The following ESRRG variants were observed in gnomAD, a reference collection of about 807,000 sequenced individuals.
ESRRG encodes the protein estrogen-related receptor gamma.
A neutral mutation model predicts 44.0 loss-of-function variants in ESRRG; 13 were observed. The observed-to-expected ratio is 0.30, with a 90% CI of 0.19 to 0.47. The LOEUF (loss-of-function observed/expected upper bound fraction) is 0.47. ESRRG is among the 20% of genes least tolerant of loss of function. ESRRG has a pLI of 1.00. For synonymous variants in ESRRG, 215 were observed against 214.6 expected (o/e 1.00, Z -0.02); for missense variants, 395 against 580.6 (o/e 0.68, Z 3.29).
At chr1:217,111,126 A>G (rs529968962) in intron 1 of ESRRG, among the ~76,000 whole-genome samples, 1 of 152,312 alleles carries the variant, frequency 6.6e-6, no homozygotes, top group Admixed American at 6.5e-5. Context: ...AAGAAATAGA[A>G]TACAGGTCAG....
chr1:217,136,188 G>A (rs1045116487), intron 1 of ESRRG, among the ~76,000 whole-genome samples: 1 of 152,184 alleles, frequency 6.6e-6, no homozygotes, highest in African/African-American at 2.4e-5. Flanking sequence ...GACAGGGGGC[G>A]GAGGGCGATC....
chr1:217,087,860 C>T (rs1217340547), intron 1 of ESRRG, among the ~76,000 whole-genome samples: 1 of 152,128 alleles, frequency 6.6e-6, no homozygotes, highest in Non-Finnish European at 1.5e-5. Context: ...GATTCTTTTT[C>T]TATTTGAAGG....
intron 3 of ESRRG, 43 bp from the exon 4 acceptor site, chr1:216,568,141 T>A: frequency 1.5e-6 from 2 of 1,364,548 alleles, no homozygotes; most frequent in Non-Finnish European, 2.1e-6. Context: ...AAGGTAGCTA[T>A]GTTTGAGACC....
intron 1 of ESRRG, among the ~76,000 whole-genome samples, chr1:216,956,677 C>G (rs1377190845): frequency 6.6e-6 from 1 of 152,138 alleles, no homozygotes; most frequent in East Asian, 1.9e-4. Context: ...TGGTGATGCA[C>G]TAGGTATAAT....
rs59403765 is a variant in ESRRG at position 216,630,445 on chromosome 1, AACACAC to A, written c.589+20522_589+20527del. On this transcript the variant is annotated intron_variant, in intron 3 of 6. Coordinates refer to ENST00000408911, the MANE Select transcript of ESRRG (RefSeq NM_001438.4). The stretch of plus-strand genomic sequence containing the variant: ...ACATGTGCATGCACATGTGCGTGTG[AACACAC>A]ACACACACACACACACACACACACA... Among the ~76,000 whole-genome samples the A allele has an allele frequency of 1.3e-3, 192 of 146,470 alleles. 1 individual carries two copies. Among genetic ancestry groups the A allele is most frequent in the African/African-American group, 4.1e-3 (159 of 39,024 alleles).
chr1:216,807,561 T>C (rs2094836000), intron 2 of ESRRG, among the ~76,000 whole-genome samples: 1 of 152,112 alleles, frequency 6.6e-6, no homozygotes, highest in African/African-American at 2.4e-5. Context: ...TTTTGGAATA[T>C]GGGTTTCTCA....
At chr1:216,549,827 T>G (rs1408766225) in intron 5 of ESRRG, among the ~76,000 whole-genome samples, 2 of 152,170 alleles carry the variant, frequency 1.3e-5, no homozygotes, top group Non-Finnish European at 2.9e-5. Flanking sequence ...ATAAATCACC[T>G]GAAGAGTTCT....
At position 216,868,079 on chromosome 1, in the gene ESRRG, C is replaced by CTTTTT. The variant is rs58738849; in HGVS notation, c.-14+71498_-14+71502dup. On this transcript the variant is annotated intron_variant, in intron 2 of 7. Coordinates refer to the ESRRG transcript ENST00000359162. The stretch of plus-strand genomic sequence containing the variant: ...GTCCAAATTGTTGTGTATATTGATC[C>CTTTTT]TTTTTTTTTTTTTTTTTTTTTTTTT... 1.2e-3 allele frequency among the ~76,000 whole-genome samples: 93 copies of CTTTTT among 78,358 alleles called. 2 individuals carry two copies. Among genetic ancestry groups the CTTTTT allele is most frequent in the Non-Finnish European group, 1.4e-3 (63 of 45,254 alleles). The allele number at this position is 78,358 out of a possible 152,430, so 51.4% of individuals were successfully genotyped here.
chr1:216,777,744 CT>C (rs2093667790), intron 2 of ESRRG, among the ~76,000 whole-genome samples: 1 of 152,118 alleles, frequency 6.6e-6, no homozygotes, highest in Non-Finnish European at 1.5e-5. Flanking sequence ...CTTTCTCTCT[CT>C]TTCTTATACA....
At chr1:217,004,517 C>G (rs1259229683) in intron 1 of ESRRG, among the ~76,000 whole-genome samples, 2 of 152,082 alleles carry the variant, frequency 1.3e-5, no homozygotes, top group African/African-American at 4.8e-5. Flanking sequence ...ACTGTCAGTC[C>G]ATTAAATCTC....
chr1:216,605,409 A>C (rs2059798629), intron 3 of ESRRG, among the ~76,000 whole-genome samples: 1 of 152,176 alleles, frequency 6.6e-6, no homozygotes, highest in Admixed American at 6.6e-5. Flanking sequence ...AACAGGTAAC[A>C]TTATGATCTT....
intron 1 of ESRRG, among the ~76,000 whole-genome samples, chr1:217,056,227 T>C (rs1471937770): frequency 6.6e-6 from 1 of 152,156 alleles, no homozygotes; most frequent in South Asian, 2.1e-4. Flanking sequence ...TGTTAGACTG[T>C]GGCGTAAGTG....
At chr1:216,832,314 C>G (rs1218757339) in intron 2 of ESRRG, among the ~76,000 whole-genome samples, 2 of 152,150 alleles carry the variant, frequency 1.3e-5, no homozygotes, top group East Asian at 1.9e-4. Context: ...ATTCCTTGCT[C>G]AACATTGACT....
upstream of ESRRG, among the ~76,000 whole-genome samples, chr1:216,724,047 G>T (rs2086970831): frequency 6.6e-6 from 1 of 152,030 alleles, no homozygotes; most frequent in Non-Finnish European, 1.5e-5. Flanking sequence ...AATAATAAAG[G>T]CATTCTTCTA....
intron 2 of ESRRG, among the ~76,000 whole-genome samples, chr1:216,804,454 T>G (rs2148358154): frequency 6.6e-6 from 1 of 152,268 alleles, no homozygotes; most frequent in South Asian, 2.1e-4. Context: ...GTTAAGGGGC[T>G]TCAATCTTGG....
intron 5 of ESRRG, among the ~76,000 whole-genome samples, chr1:216,557,085 C>T (rs1427063974): frequency 6.6e-6 from 1 of 152,104 alleles, no homozygotes; most frequent in Non-Finnish European, 1.5e-5. Context: ...TCTTAGCAAC[C>T]AATCATTTAA....
At chr1:216,549,650 A>G (rs1265678595) in intron 5 of ESRRG, among the ~76,000 whole-genome samples, 2 of 152,086 alleles carry the variant, frequency 1.3e-5, no homozygotes, top group East Asian at 1.9e-4. Flanking sequence ...TTTCTTGGCC[A>G]TACTGGGGCA....
chr1:216,759,200 T>A (rs531786507), intron 2 of ESRRG, among the ~76,000 whole-genome samples: 21 of 152,264 alleles, frequency 1.4e-4, no homozygotes, highest in Non-Finnish European at 1.5e-5. Flanking sequence ...GCCCCAGATT[T>A]TTAGTGGAAA....
chr1:217,127,244 C>T (rs757226968), intron 1 of ESRRG, among the ~76,000 whole-genome samples: 6 of 152,138 alleles, frequency 3.9e-5, no homozygotes, highest in Non-Finnish European at 2.9e-5. Context: ...TGTTCATTTT[C>T]TATGTTTATT....
Sources: gnomAD v4.1 joint callset for allele counts (sites outside exome capture counted in the v4.1 genomes callset) on GRCh38, gnomAD v4.1.1 for gene constraint, MANE v1.5 for transcripts, NCBI Gene and HGNC (gene_info 2026-07-23, HGNC 2026-07-21) for gene names.